Variants in ALCAM observed in about 807,000 individuals in gnomAD.
The protein encoded by ALCAM is activated leukocyte cell adhesion molecule.
In ALCAM, 30 loss-of-function variants were observed where a neutral mutation model predicts 70.9. That is an observed-to-expected ratio of 0.42 (90% confidence interval 0.32 to 0.57). The LOEUF is 0.57. ALCAM is among the 20% of genes least tolerant of loss of function. The probability of loss-of-function intolerance (pLI) is 0.11; values close to 1 mark genes in which losing one functional copy is unlikely to be tolerated. For missense variants in ALCAM, 591 were observed against 695.1 expected, an observed-to-expected ratio of 0.85 and a Z score of 1.68; for synonymous variants, 249 against 242.5, an observed-to-expected ratio of 1.03 and a Z score of -0.25.
rs562890862 is a variant in ALCAM at position 105,476,005 on chromosome 3, G to T, written c.74-44062G>T. On this transcript the variant is annotated intron_variant, in intron 1 of 15. Coordinates refer to ENST00000306107, the MANE Select transcript of ALCAM (RefSeq NM_001627.4). ...TTCTATGCATACCTTTCTCCTGAGG[G>T]TCTAATTCTATTTCAAGTTTCAGCC... 5.3e-5 allele frequency among the ~76,000 whole-genome samples: 8 copies of T among 151,888 alleles called. No homozygotes were observed. The South Asian group carries it at 1.5e-3, about 28-fold the overall frequency.
intron 4 of ALCAM, among the ~76,000 whole-genome samples, chr3:105,532,653 C>T (rs1221451233): frequency 6.6e-6 from 1 of 151,974 alleles, no homozygotes; most frequent in Non-Finnish European, 1.5e-5. Flanking sequence ...TAGATTTTCA[C>T]CAAGCCAAAG....
chr3:105,450,993 A>G (rs1205334803), intron 1 of ALCAM, among the ~76,000 whole-genome samples: 1 of 152,174 alleles, frequency 6.6e-6, no homozygotes, highest in African/African-American at 2.4e-5. Context: ...GAAAAAGTAC[A>G]CCCAAAGGAG....
At chr3:105,405,878 C>T (rs1037418785) in intron 1 of ALCAM, among the ~76,000 whole-genome samples, 9 of 152,040 alleles carry the variant, frequency 5.9e-5, no homozygotes, top group African/African-American at 9.7e-5. Flanking sequence ...ACACTGTTCC[C>T]GGACCAAACT....
chr3:105,440,360 A>C (rs1161663457), intron 1 of ALCAM, among the ~76,000 whole-genome samples: 2 of 152,338 alleles, frequency 1.3e-5, no homozygotes, highest in South Asian at 4.1e-4. Flanking sequence ...ATATTCATTG[A>C]TTATCTACTG....
intron 1 of ALCAM, among the ~76,000 whole-genome samples, chr3:105,436,166 G>A (rs1937044571): frequency 6.6e-6 from 1 of 152,060 alleles, no homozygotes; most frequent in African/African-American, 2.4e-5. Flanking sequence ...CACAACACAT[G>A]GGAATTATGG....
chr3:105,449,910 C>G (rs995803412), intron 1 of ALCAM, among the ~76,000 whole-genome samples: 1 of 152,064 alleles, frequency 6.6e-6, no homozygotes, highest in African/African-American at 2.4e-5. Flanking sequence ...GTTTTATCCT[C>G]GTTTTCTAAA....
chr3:105,386,799 C>A (rs557717657), intron 1 of ALCAM, among the ~76,000 whole-genome samples: 2 of 151,360 alleles, frequency 1.3e-5, no homozygotes, highest in Non-Finnish European at 3.0e-5. Flanking sequence ...AGATGCAAAG[C>A]GCTAATTCAG....
intron 1 of ALCAM, among the ~76,000 whole-genome samples, chr3:105,460,674 C>T (rs566810984): frequency 2.0e-5 from 3 of 151,804 alleles, no homozygotes; most frequent in African/African-American, 7.2e-5. Flanking sequence ...GAAATGAATA[C>T]CCCTTCTCCC....
intron 1 of ALCAM, among the ~76,000 whole-genome samples, chr3:105,516,615 GT>G (rs2152621589): frequency 6.6e-6 from 1 of 152,030 alleles, no homozygotes; most frequent in African/African-American, 2.4e-5. Flanking sequence ...TGCTTCTCAA[GT>G]ATGACACATT....
intron 1 of ALCAM, among the ~76,000 whole-genome samples, chr3:105,422,835 G>A (rs935788353): frequency 2.0e-5 from 3 of 151,458 alleles, no homozygotes; most frequent in Admixed American, 1.3e-4. Context: ...ATGGACAGAA[G>A]GAAAGTGTAG....
At chr3:105,424,986 C>T (rs1936753959) in intron 1 of ALCAM, among the ~76,000 whole-genome samples, 1 of 151,634 alleles carries the variant, frequency 6.6e-6, no homozygotes, top group Non-Finnish European at 1.5e-5. Flanking sequence ...AACTTGAACT[C>T]TGGGGTGTTT....
At chr3:105,551,269 TATTG>T (rs1185334798) in intron 12 of ALCAM, among the ~76,000 whole-genome samples, 1 of 151,720 alleles carries the variant, frequency 6.6e-6, no homozygotes, top group African/African-American at 2.4e-5. Context: ...ATTCAGTGAG[TATTG>T]ATTTGTCCCA....
At chr3:105,434,022 G>A (rs1429191816) in intron 1 of ALCAM, among the ~76,000 whole-genome samples, 1 of 152,092 alleles carries the variant, frequency 6.6e-6, no homozygotes, top group African/African-American at 2.4e-5. Context: ...CCACTAAGGG[G>A]GATATAGGAA....
chr3:105,441,944 C>T (rs6771987), intron 1 of ALCAM, among the ~76,000 whole-genome samples: 22,754 of 152,146 alleles, frequency 0.15, 1,818 homozygotes, highest in Middle Eastern at 0.19. Context: ...GCACATAGAT[C>T]ATTGCAGCTA....
chr3:105,439,063 G>A (rs146299405), intron 1 of ALCAM, among the ~76,000 whole-genome samples: 61 of 152,284 alleles, frequency 4.0e-4, no homozygotes, highest in African/African-American at 1.4e-3. Context: ...AGATGGCTGG[G>A]GGGCCTTAGA....
intron 14 of ALCAM, among the ~76,000 whole-genome samples, chr3:105,566,865 T>G (rs1460509784): frequency 6.6e-6 from 1 of 152,164 alleles, no homozygotes; most frequent in Non-Finnish European, 1.5e-5. Context: ...TTTTATTCTT[T>G]CTTACGTATC....
chr3:105,510,903 A>C (rs770490442), intron 1 of ALCAM, among the ~76,000 whole-genome samples: 7 of 152,070 alleles, frequency 4.6e-5, no homozygotes, highest in Non-Finnish European at 8.8e-5. Flanking sequence ...GGGATATAAA[A>C]TGAAGTTTTC....
intron 6 of ALCAM, among the ~76,000 whole-genome samples, chr3:105,537,928 T>TC (rs1275111986): frequency 2.0e-5 from 3 of 152,066 alleles, no homozygotes; most frequent in Admixed American, 6.6e-5. Context: ...GAAAAGAAAA[T>TC]TTCAGCAGAC....
At position 105,386,875 on chromosome 3, in the gene ALCAM, T is replaced by C. The variant is rs1415259276; in HGVS notation, c.73+19394T>C. Among the ~76,000 whole-genome samples, 6 of 151,650 alleles carry C rather than the reference T, an allele frequency of 4.0e-5. No individual in the cohort carries two copies. In the East Asian group the frequency reaches 1.2e-3, roughly 30 times the overall value. ...GTATATTCCCCAATGTTTGGAATGC[T>C]GTTCTTTTGATCTTAACTCTTTCAT... On this transcript the variant is annotated intron_variant, in intron 1 of 15. Transcript: ENST00000306107.
Sources: gnomAD v4.1 joint callset for allele counts (sites outside exome capture counted in the v4.1 genomes callset) on GRCh38, gnomAD v4.1.1 for gene constraint, MANE v1.5 for transcripts, NCBI Gene and HGNC (gene_info 2026-07-23, HGNC 2026-07-21) for gene names.